Variants in RPF2 observed in about 807,000 individuals in gnomAD.
The protein encoded by RPF2 is brix domain containing 1.
In RPF2, 21 loss-of-function variants were observed where a neutral mutation model predicts 38.9. The ratio of observed to expected loss-of-function variants is 0.54; its 90% CI spans 0.38 to 0.78. RPF2 has a LOEUF of 0.78. Among genes scored for constraint, RPF2 ranks in the 30% least tolerant of loss-of-function variants. RPF2 has a pLI of 0.00. For synonymous variants in RPF2, 121 were observed against 126.2 expected (o/e 0.96, Z 0.28); for missense variants, 314 against 358.1 (o/e 0.88, Z 0.99).
At chr6:111,022,502 C>A (rs1405546855) in intron 8 of RPF2, among the ~76,000 whole-genome samples, 1 of 152,138 alleles carries the variant, frequency 6.6e-6, no homozygotes. Flanking sequence ...ATCATCTACA[C>A]AGAAAAGTAT....
chr6:111,001,692 C>T (rs145898055), intron 6 of RPF2, among the ~76,000 whole-genome samples: 1 of 152,310 alleles, frequency 6.6e-6, no homozygotes, highest in Non-Finnish European at 1.5e-5. Flanking sequence ...ATGCACGAAT[C>T]TCTGGAGATG....
At chr6:111,024,401 T>A (rs994878335) in intron 9 of RPF2, 74 bp downstream of exon 9, 1 of 1,424,006 alleles carries the variant, frequency 7.0e-7, no homozygotes, top group Non-Finnish European at 9.5e-7. Flanking sequence ...CAAAAAGAAT[T>A]TGTGGCATAT....
At chr6:110,988,945 A>C in intron 2 of RPF2, 83 bp from the exon 3 acceptor site, 1 of 1,507,554 alleles carries the variant, frequency 6.6e-7, no homozygotes, top group Non-Finnish European at 9.0e-7. Context: ...GCAATCTTGG[A>C]GAGTGACTGT....
chr6:111,014,744 T>C (rs530794206), intron 7 of RPF2, among the ~76,000 whole-genome samples: 3 of 152,236 alleles, frequency 2.0e-5, no homozygotes, highest in Non-Finnish European at 4.4e-5. Context: ...ATCACACTTG[T>C]TTTCCAAACT....
intron 8 of RPF2, among the ~76,000 whole-genome samples, chr6:111,023,643 AT>A (rs1432497797): frequency 6.6e-6 from 1 of 152,026 alleles, no homozygotes; most frequent in Admixed American, 6.5e-5. Context: ...GAAAAAAAAA[AT>A]TTTTAATTTG....
chr6:110,995,745 G>A (rs1344592188), intron 4 of RPF2, among the ~76,000 whole-genome samples: 1 of 152,126 alleles, frequency 6.6e-6, no homozygotes, highest in Admixed American at 6.6e-5. Context: ...CCCACACCTA[G>A]ATTTTTTTAG....
At position 110,982,113 on chromosome 6, in the gene RPF2, A is replaced by ACGT. The variant is rs1562363814; in HGVS notation, c.8_9insGTC (p.Thr3_Leu4insSer). On this transcript the variant is annotated inframe_insertion, in exon 1 of 10. Transcript: ENST00000441448. ...GTTGCAGGTAGCGGTAGCGATGGAC[A>ACGT]CTCTGGATCGAGTAGTGTAAGTGCG... 1 of 1,614,112 alleles carries ACGT rather than the reference A, an allele frequency of 6.2e-7. No individual in the cohort carries two copies. Among genetic ancestry groups the ACGT allele is most frequent in the Admixed American group, 1.7e-5 (1 of 60,008 alleles).
chr6:110,983,328 AT>A (rs2114282736), intron 1 of RPF2, among the ~76,000 whole-genome samples: 1 of 150,878 alleles, frequency 6.6e-6, no homozygotes, highest in South Asian at 2.1e-4. Flanking sequence ...GTCTAGACGA[AT>A]TTTTAAATCT....
chr6:110,987,928 T>G (rs1262293187), intron 2 of RPF2, among the ~76,000 whole-genome samples: 2 of 152,034 alleles, frequency 1.3e-5, no homozygotes, highest in African/African-American at 2.4e-5. Context: ...GAGGCTGAGG[T>G]GGGAGGATCA....
intron 8 of RPF2, 30 bp from the exon 9 acceptor site, chr6:111,024,153 G>A: frequency 6.4e-7 from 1 of 1,554,716 alleles, no homozygotes; most frequent in Non-Finnish European, 8.7e-7. Context: ...GAAAGTCAAA[G>A]CAACATTTCT....
At chr6:111,010,071 G>C (rs1424829006) in intron 7 of RPF2, among the ~76,000 whole-genome samples, 1 of 151,270 alleles carries the variant, frequency 6.6e-6, no homozygotes, top group Non-Finnish European at 1.5e-5. Flanking sequence ...CCAAGAGATT[G>C]GTACTAATTT....
intron 3 of RPF2, among the ~76,000 whole-genome samples, chr6:110,991,510 C>G (rs1327323119): frequency 6.6e-6 from 1 of 151,526 alleles, no homozygotes; most frequent in Non-Finnish European, 1.5e-5. Flanking sequence ...GTACAGAGGA[C>G]TACTTATTTT....
chr6:110,984,670 T>A (rs907725324), intron 1 of RPF2, among the ~76,000 whole-genome samples: 2 of 152,024 alleles, frequency 1.3e-5, no homozygotes, highest in African/African-American at 2.4e-5. Flanking sequence ...CGAAACCCTG[T>A]CTCTGCTAAA....
chr6:110,990,564 C>T (rs1202201765), intron 3 of RPF2, among the ~76,000 whole-genome samples: 1 of 128,484 alleles, frequency 7.8e-6, no homozygotes, highest in Admixed American at 7.8e-5. Context: ...TGGGAACCCC[C>T]CCCCCCCCCA....
chr6:111,003,051 C>T (rs1204979665), intron 6 of RPF2, among the ~76,000 whole-genome samples: 3 of 151,642 alleles, frequency 2.0e-5, no homozygotes, highest in African/African-American at 4.9e-5. Context: ...CATGAGCCAC[C>T]GTATCCAGCC....
chr6:110,984,863 CA>C, intron 1 of RPF2, 142 bp from the exon 2 acceptor site: 44 of 935,066 alleles, frequency 4.7e-5, no homozygotes, highest in Non-Finnish European at 5.7e-5. Flanking sequence ...AAAAAACAAA[CA>C]AAAAAAAGAA....
At chr6:110,986,596 C>G (rs1771529499) in intron 2 of RPF2, among the ~76,000 whole-genome samples, 1 of 152,160 alleles carries the variant, frequency 6.6e-6, no homozygotes, top group South Asian at 2.1e-4. Context: ...ACCTCTGTAG[C>G]CTAGTGTACA....
chr6:110,996,412 C>T (rs1470440097), intron 4 of RPF2, among the ~76,000 whole-genome samples: 2 of 152,000 alleles, frequency 1.3e-5, no homozygotes, highest in African/African-American at 4.8e-5. Flanking sequence ...CTCCTGACAT[C>T]AGGTGACCTC....
At chr6:110,985,212 C>G (rs939951241) in intron 2 of RPF2, 74 bp downstream of exon 2, 39 of 1,239,696 alleles carry the variant, frequency 3.1e-5, no homozygotes, top group East Asian at 4.9e-5. Flanking sequence ...GATGGGCTGT[C>G]GGAGAAATAC....
Sources: allele counts gnomAD v4.1 joint callset (sites outside exome capture counted in the v4.1 genomes callset), GRCh38; gene constraint gnomAD v4.1.1; transcripts MANE v1.5; gene names NCBI Gene and HGNC (gene_info 2026-07-23, HGNC 2026-07-21).